ATL1: variants seen among roughly 807,000 people sequenced by gnomAD.
The protein encoded by ATL1 is atlastin-1.
ATL1 carries 31 observed loss-of-function variants against 75.5 expected under a neutral mutation model. That is an observed-to-expected ratio of 0.41 (90% CI 0.31 to 0.55). The LOEUF (loss-of-function observed/expected upper bound fraction) is 0.55. ATL1 is among the 20% of genes least tolerant of loss of function. ATL1 has a pLI of 0.27. For missense variants in ATL1, 405 were observed against 662.6 expected (o/e 0.61, Z 4.27); for synonymous variants, 226 against 233.3 (o/e 0.97, Z 0.28).
chr14:50,630,072 AACTG>A lies in ATL1; in HGVS notation c.1566+67_1566+70del, dbSNP rs1248818812. 4.9e-5 allele frequency: 62 copies of A among 1,269,460 alleles called. 1 individual carries two copies. Among genetic ancestry groups the A allele is most frequent in the South Asian group, 4.7e-4 (35 of 73,904 alleles). 78.6% of individuals were successfully genotyped at this position (1,269,460 alleles called of 1,614,324 possible). On this transcript the variant is annotated intron_variant, in intron 13 of 13. Coordinates refer to ENST00000358385, the MANE Select transcript of ATL1 (RefSeq NM_015915.5). ...GTAAACATTATGATATTATTTTATA[AACTG>A]ACTAAGCCATTAAAAGATGTCTTTA...
intron 12 of ATL1, among the ~76,000 whole-genome samples, chr14:50,629,344 G>A (rs888995353): frequency 6.6e-6 from 1 of 152,074 alleles, no homozygotes; most frequent in Non-Finnish European, 1.5e-5. Context: ...CACTTTCCGA[G>A]GCCAAAGTGG....
At chr14:50,578,270 G>C (rs957012090) in intron 1 of ATL1, among the ~76,000 whole-genome samples, 2 of 152,104 alleles carry the variant, frequency 1.3e-5, no homozygotes, top group Non-Finnish European at 2.9e-5. Context: ...GCCTATGTAA[G>C]TCATGGTTAA....
chr14:50,607,170 GTAAGTC>G (rs2039323291), intron 6 of ATL1, among the ~76,000 whole-genome samples: 1 of 152,076 alleles, frequency 6.6e-6, no homozygotes, highest in African/African-American at 2.4e-5. Context: ...GAATGCACCT[GTAAGTC>G]TAAGAGTCAC....
At chr14:50,590,469 C>T (rs1488366663) in intron 2 of ATL1, among the ~76,000 whole-genome samples, 1 of 151,732 alleles carries the variant, frequency 6.6e-6, no homozygotes, top group African/African-American at 2.4e-5. Context: ...TGCCTGCCTG[C>T]CTGCTTGCCT....
intron 6 of ATL1, among the ~76,000 whole-genome samples, chr14:50,609,399 A>T (rs1431783955): frequency 6.6e-6 from 1 of 151,986 alleles, no homozygotes; most frequent in African/African-American, 2.4e-5. Flanking sequence ...TTAAAAAAAA[A>T]CTTTCATTAA....
At chr14:50,609,621 A>G (rs2039345680) in intron 6 of ATL1, among the ~76,000 whole-genome samples, 1 of 152,046 alleles carries the variant, frequency 6.6e-6, no homozygotes, top group Non-Finnish European at 1.5e-5. Context: ...CTGAATTTGA[A>G]TTGGGAATGT....
chr14:50,629,912 T>C, intron 12 of ATL1, 83 bp from the exon 13 acceptor site: 2 of 1,096,344 alleles, frequency 1.8e-6, no homozygotes, highest in Admixed American at 2.2e-5. Context: ...CAAATTAATA[T>C]TGTAAGCAAA....
Position 50,560,216 on chromosome 14 carries a change from G to A in ATL1, c.-50G>A, listed in dbSNP as rs780589480. 3.2e-5 allele frequency: 52 copies of A among 1,610,036 alleles called. No individual in the cohort carries two copies. Among genetic ancestry groups the A allele is most frequent in the Middle Eastern group, 3.3e-4 (2 of 6,056 alleles). Reference sequence around the variant, plus strand: ...GCCAGCAACCTGCGGCCCCGGAGAAGGCAGCGAGCGCAGTGACAGCGCCTC... The same window carrying A: ...GCCAGCAACCTGCGGCCCCGGAGAAAGCAGCGAGCGCAGTGACAGCGCCTC... On this transcript the variant is annotated 5_prime_UTR_variant, in exon 1 of 14. Transcript: ENST00000358385.
Position 50,587,905 on chromosome 14 carries a change from G to A in ATL1, c.109G>A (p.Val37Ile). 6.2e-7 allele frequency: 1 copy of A among 1,614,164 alleles called. No homozygotes were observed. Among genetic ancestry groups the A allele is most frequent in the Non-Finnish European group, 8.5e-7 (1 of 1,180,030 alleles). The change falls in exon 2 of 14, where the codon GTC becomes ATC. Residue 37 changes from valine (V) to isoleucine (I), a missense_variant. Around this residue, in one of 5 missense-constraint regions of ATL1, gnomAD observed 126 missense variants for 172.0 expected, o/e 0.73. Coordinates refer to ENST00000358385, the MANE Select transcript of ATL1 (RefSeq NM_015915.5). ...EPVKKAGPVQ[V>I]LIVKDDHSFE... ...AGTGAAAAAGGCAGGACCAGTCCAA[G>A]TCCTCATTGTCAAAGATGACCATTC...
intron 1 of ATL1, among the ~76,000 whole-genome samples, chr14:50,548,831 G>A (rs573272679): frequency 6.6e-6 from 1 of 152,132 alleles, no homozygotes; most frequent in African/African-American, 2.4e-5. Context: ...ATGAAAGGGG[G>A]CAGAATCCCA....
At position 50,632,151 on chromosome 14, in the gene ATL1, A is replaced by G. The variant is rs113367786; in HGVS notation, c.1567-78A>G. 2,383 of 858,970 alleles carry G rather than the reference A, an allele frequency of 2.8e-3. 37 individuals are homozygous for G. In the African/African-American group the frequency reaches 0.035, roughly 13 times the overall value. The allele number at this position is 858,970 out of a possible 1,614,324, so 53.2% of individuals were successfully genotyped here. ...TTCAACATGCTAAATTTTATACAGT[A>G]CGATAAACTAAAAAGGAAAAAATTT... On this transcript the variant is annotated intron_variant, in intron 13 of 13. Transcript: ENST00000358385.
At chr14:50,599,983 C>CTTT (rs57973857) in intron 6 of ATL1, among the ~76,000 whole-genome samples, 9 of 143,792 alleles carry the variant, frequency 6.3e-5, no homozygotes, top group Non-Finnish European at 9.2e-5. Context: ...ACTCTGTTGT[C>CTTT]TTTTTTTTTT....
chr14:50,560,384 A>G, intron 1 of ATL1, 85 bp downstream of exon 1: 1 of 1,525,678 alleles, frequency 6.6e-7, no homozygotes, highest in South Asian at 1.2e-5. Flanking sequence ...GGGAGGGCCA[A>G]GGGCTGCTAG....
chr14:50,569,664 G>A (rs769542216), intron 1 of ATL1, among the ~76,000 whole-genome samples: 11 of 152,060 alleles, frequency 7.2e-5, no homozygotes, highest in South Asian at 2.1e-4. Flanking sequence ...GTGGCTTTAA[G>A]TTACTGTGTA....
At chr14:50,569,413 T>G (rs1488202828) in intron 1 of ATL1, among the ~76,000 whole-genome samples, 2 of 140,034 alleles carry the variant, frequency 1.4e-5, no homozygotes, top group African/African-American at 5.1e-5. Context: ...AGAAAGACTC[T>G]GTCTCAAAAA....
At chr14:50,595,708 C>A in intron 6 of ATL1, 76 bp downstream of exon 6, 3 of 1,321,792 alleles carry the variant, frequency 2.3e-6, no homozygotes, top group South Asian at 2.4e-5. Context: ...TAATTAGGGT[C>A]ATGTTTCCTT....
chr14:50,568,028 A>G (rs1044572536), intron 1 of ATL1, among the ~76,000 whole-genome samples: 1 of 152,080 alleles, frequency 6.6e-6, no homozygotes, highest in African/African-American at 2.4e-5. Context: ...CAAGTTCTCT[A>G]TTTCTTTGCA....
At chr14:50,536,537 G>A (rs898974855) in intron 1 of ATL1, among the ~76,000 whole-genome samples, 2 of 152,150 alleles carry the variant, frequency 1.3e-5, no homozygotes, top group Non-Finnish European at 1.5e-5. Context: ...AACAGGCAGA[G>A]GTTGGAAGAG....
At chr14:50,617,410 A>G (rs2039425743) in intron 8 of ATL1, among the ~76,000 whole-genome samples, 1 of 152,260 alleles carries the variant, frequency 6.6e-6, no homozygotes, top group East Asian at 1.9e-4. Context: ...TTATAGTACC[A>G]TATGTAGAAT....
Sources: allele counts gnomAD v4.1 joint callset (sites outside exome capture counted in the v4.1 genomes callset), GRCh38; gene constraint gnomAD v4.1.1; regional missense constraint gnomAD v4.1.1; transcripts MANE v1.5; gene names NCBI Gene and HGNC (gene_info 2026-07-23, HGNC 2026-07-21).